The following PSME3 variants were observed in gnomAD, a reference collection of about 807,000 sequenced individuals.
PSME3 encodes proteasome activator subunit 3.
In PSME3, 7 loss-of-function variants were observed where a neutral mutation model predicts 38.3. That is an observed-to-expected ratio of 0.18 (90% CI 0.10 to 0.34). The LOEUF is 0.34. PSME3 is among the 10% of genes least tolerant of loss of function. The pLI is 1.00. For synonymous variants in PSME3, 108 were observed against 105.7 expected (o/e 1.02, Z -0.13); for missense variants, 192 against 307.6 (o/e 0.62, Z 2.81).
In PSME3 at chr17:42,837,689, C is replaced by A. The variant is rs773496567; in HGVS notation, c.284C>A (p.Ala95Asp). ...KKRRLDECEEAFQGTKVFVMP... is the reference protein window; with the variant it reads ...KKRRLDECEEDFQGTKVFVMP... ...CGAAGGTTGGATGAGTGTGAAGAAG[C>A]CTTCCAAGGTAAGAGGCACCCTTAC... is the stretch of plus-strand genomic sequence containing the variant. Residue 95 changes from alanine (A) to aspartate (D), a missense_variant, in exon 5 of 11, where the codon GCC (alanine) becomes GAC (aspartate). Around this residue, in one of 2 missense-constraint regions of PSME3, gnomAD observed 110 missense variants for 139.3 expected, o/e 0.79. Coordinates refer to ENST00000590720, the MANE Select transcript of PSME3 (RefSeq NM_005789.4). 9.9e-6 allele frequency: 16 copies of A among 1,613,618 alleles called. No homozygotes were observed. The South Asian group carries it at 1.3e-4, about 13-fold the overall frequency.
chr17:42,834,160 C>T (rs965442899), intron 1 of PSME3, 184 bp from the exon 2 acceptor site: 1 of 1,504,562 alleles, frequency 6.6e-7, no homozygotes, highest in African/African-American at 1.4e-5. Context: ...GTGCTGTCCT[C>T]AAAGCCCTGC....
In PSME3 at chr17:42,838,224, A is replaced by G; in HGVS notation, c.405+19A>G. On this transcript the variant is annotated intron_variant, in intron 6 of 10. Coordinates refer to ENST00000590720, the MANE Select transcript of PSME3 (RefSeq NM_005789.4). ...TAACACGGTGAGGCACAGGCTGGTG[A>G]CCTATGGGCCGGCCCCAAGTACCCC... is the stretch of plus-strand genomic sequence containing the variant. The G allele has an allele frequency of 6.2e-7, 1 of 1,613,266 alleles. No individual in the cohort carries two copies. Among genetic ancestry groups the G allele is most frequent in the Non-Finnish European group, 8.5e-7 (1 of 1,179,918 alleles).
intron 4 of PSME3, 43 bp downstream of exon 4, chr17:42,834,919 C>T (rs772585564): frequency 1.2e-5 from 20 of 1,608,040 alleles, no homozygotes; most frequent in Admixed American, 5.1e-5. Context: ...AGCAGTAGGT[C>T]CTCTGTCCTC....
At chr17:42,837,741 C>T (rs893962656) in intron 5 of PSME3, 44 bp downstream of exon 5, 1 of 1,586,282 alleles carries the variant, frequency 6.3e-7, no homozygotes, top group Non-Finnish European at 8.7e-7. Context: ...CCATCCCTGA[C>T]TTGCAACCCT....
Position 42,837,654 on chromosome 17 carries a change from T to C in PSME3, c.249T>C (p.Thr83=). Residue 83 remains threonine (T), a synonymous_variant, in exon 5 of 11, where the codon ACT becomes ACC. Transcript: ENST00000590720. ...CTGCCTCTTTGTATCCTTAGCCCAC[T>C]TATAAGAAGCGAAGGTTGGATGAGT... ...TNSHDGLDGP[T]YKKRRLDECE... 6.2e-7 allele frequency: 1 copy of C among 1,614,110 alleles called. No individual in the cohort carries two copies.
intron 1 of PSME3, 34 bp from the exon 2 acceptor site, chr17:42,834,310 C>A (rs754353688): frequency 1.4e-5 from 22 of 1,613,820 alleles, no homozygotes. Flanking sequence ...ACCTCTGTCC[C>A]CAGGTACTGA....
intron 4 of PSME3, among the ~76,000 whole-genome samples, chr17:42,835,099 G>A (rs999062819): frequency 4.6e-5 from 7 of 151,968 alleles, no homozygotes; most frequent in African/African-American, 9.7e-5. Context: ...GTGTAGTGGC[G>A]GGAATGCTGC....
chr17:42,841,650 T>A lies in PSME3; in HGVS notation c.*72T>A. The A allele has an allele frequency of 1.9e-6, 2 of 1,043,566 alleles. No homozygotes were observed. Among genetic ancestry groups the A allele is most frequent in the Non-Finnish European group, 1.4e-6 (1 of 720,484 alleles). 64.6% of individuals were successfully genotyped at this position (1,043,566 alleles called of 1,614,324 possible). On this transcript the variant is annotated 3_prime_UTR_variant, in exon 11 of 11. Transcript: ENST00000590720. ...ACATTGCCTTGGTTTGTTACATGAC[T>A]ATCGTGATGGGGAAACTGGCTGGAA...
chr17:42,833,941 T>C (rs539305574), intron 1 of PSME3: 2 of 1,440,166 alleles, frequency 1.4e-6, no homozygotes, highest in East Asian at 5.0e-5. Flanking sequence ...TGACAGCTGG[T>C]AATCCCCCAG....
intron 4 of PSME3, among the ~76,000 whole-genome samples, chr17:42,835,501 G>A (rs1323855791): frequency 6.6e-6 from 1 of 152,094 alleles, no homozygotes; most frequent in Non-Finnish European, 1.5e-5. Context: ...CGACGTGGAC[G>A]GATCATGAGG....
rs111722913 is a variant in PSME3, at chr17:42,843,564, A to G, written c.*1986A>G. On this transcript the variant is annotated 3_prime_UTR_variant, in exon 11 of 11. Coordinates refer to ENST00000590720, the MANE Select transcript of PSME3 (RefSeq NM_005789.4). ...CCATGAACTGCCAGTAGAGGCTGCT[A>G]TCGTTCCATGTGTAAGGAATGAACT... is the stretch of plus-strand genomic sequence containing the variant. 9.8e-5 allele frequency: 15 copies of G among 152,454 alleles called. No homozygotes were observed. Among genetic ancestry groups the G allele is most frequent in the Admixed American group, 3.3e-4 (5 of 15,308 alleles). The allele number at this position is 152,454 out of a possible 1,614,324, so 9.4% of individuals were successfully genotyped here.
Position 42,839,885 on chromosome 17 carries a change from A to T in PSME3, c.684+505A>T, listed in dbSNP as rs532739028. 4.5e-4 allele frequency among the ~76,000 whole-genome samples: 69 copies of T among 152,200 alleles called. 2 individuals carry two copies. In the South Asian group the frequency reaches 0.014, roughly 31 times the overall value. On this transcript the variant is annotated intron_variant, in intron 10 of 10. Transcript: ENST00000590720. ...GTGGCACATGTCTGTAATCCCAGCTACTTGGGAGGCTGAGGCAGGAGAATC... is the reference window on the plus strand; with the variant it reads ...GTGGCACATGTCTGTAATCCCAGCTTCTTGGGAGGCTGAGGCAGGAGAATC...
At position 42,833,573 on chromosome 17, in the gene PSME3, C is replaced by A; in HGVS notation, c.-59C>A. 1 of 1,610,522 alleles carries A rather than the reference C, an allele frequency of 6.2e-7. No individual in the cohort carries two copies. The highest frequency in any genetic ancestry group is 8.5e-7 in the Non-Finnish European group (1 of 1,177,338). ...AGATTTCTCAGGTCCCTCCGGCCCC[C>A]TCCCTGGAGTCCACAGCGCCTCCGG... On this transcript the variant is annotated 5_prime_UTR_variant, in exon 1 of 11. Transcript: ENST00000590720.
chr17:42,834,054 T>C, intron 1 of PSME3: 1 of 1,442,492 alleles, frequency 6.9e-7, no homozygotes, highest in Non-Finnish European at 9.0e-7. Flanking sequence ...AGCTCACATC[T>C]TCCCTAACTA....
rs901663101 is a variant in PSME3, at chr17:42,833,456, A to G, written c.-176A>G. The G allele has an allele frequency of 4.3e-6, 3 of 693,150 alleles. No individual in the cohort carries two copies. The highest frequency in any genetic ancestry group is 3.6e-5 in the African/African-American group (2 of 55,574). The allele number at this position is 693,150 out of a possible 1,614,324, so 42.9% of individuals were successfully genotyped here. A position where few individuals can be genotyped will look rare whatever the true frequency, so the allele number is the denominator to read the frequency against. ...GCGAGCGAGAGAGCAAGCAGGCAGC[A>G]GGCTGCCGGCGGGCGGGCGGACGGC... On this transcript the variant is annotated 5_prime_UTR_variant, in exon 1 of 11. Transcript: ENST00000590720.
At chr17:42,833,806 C>T (rs781064700) in intron 1 of PSME3, 133 bp downstream of exon 1, 2 of 1,583,390 alleles carry the variant, frequency 1.3e-6, no homozygotes, top group East Asian at 4.6e-5. Context: ...CAGCCCAGCC[C>T]CCAACTCCCG....
chr17:42,837,986 A>G lies in PSME3; in HGVS notation c.293-107A>G. On this transcript the variant is annotated intron_variant, in intron 5 of 10. Transcript: ENST00000590720. ...GTGGTGTCATGGTAGGATTGTGACA[A>G]AGGCAGAGGTCATAGCATCTGATAG... The G allele has an allele frequency of 2.5e-6, 3 of 1,214,480 alleles. No homozygotes were observed. In the South Asian group the frequency reaches 3.8e-5, roughly 15 times the overall value. The allele number at this position is 1,214,480 out of a possible 1,614,324, so 75.2% of individuals were successfully genotyped here. A position where few individuals can be genotyped will look rare whatever the true frequency, so the allele number is the denominator to read the frequency against.
In PSME3 at chr17:42,833,691, GC is replaced by G; in HGVS notation, c.42+20del. On this transcript the variant is annotated intron_variant, in intron 1 of 10. Coordinates refer to ENST00000590720, the MANE Select transcript of PSME3 (RefSeq NM_005789.4). ...AGCTCAAGGTAGCGGCACCGGTCCG[GC>G]CTTTTTGCCCCTCGCTTTGATCCCC... The G allele has an allele frequency of 6.2e-7, 1 of 1,614,238 alleles. No homozygotes were observed. Among genetic ancestry groups the G allele is most frequent in the Non-Finnish European group, 8.5e-7 (1 of 1,180,038 alleles).
intron 5 of PSME3, 136 bp from the exon 6 acceptor site, chr17:42,837,957 A>T: frequency 1.0e-6 from 1 of 968,452 alleles, no homozygotes; most frequent in Non-Finnish European, 1.6e-6. Flanking sequence ...CGTTGATTCT[A>T]ATAGTGGTGT....
Sources: gnomAD v4.1 joint callset for allele counts (sites outside exome capture counted in the v4.1 genomes callset) on GRCh38, gnomAD v4.1.1 for gene constraint, gnomAD v4.1.1 regional missense constraint, MANE v1.5 for transcripts, NCBI Gene and HGNC (gene_info 2026-07-23, HGNC 2026-07-21) for gene names.